CSMD1: variants seen among roughly 807,000 people sequenced by gnomAD.
The protein encoded by CSMD1 is CUB and sushi domain-containing protein 1.
CSMD1 carries 213 observed loss-of-function variants against 417.5 expected under a neutral mutation model. The ratio of observed to expected loss-of-function variants is 0.51; its 90% CI spans 0.46 to 0.57. CSMD1 has a LOEUF of 0.57. Ranked by LOEUF, CSMD1 falls within the 20% of genes least tolerant of loss-of-function variation. The probability of loss-of-function intolerance (pLI) is 0.00; values close to 1 mark genes in which losing one functional copy is unlikely to be tolerated. For synonymous variants in CSMD1, 2,862 were observed against 1,736.8 expected, an observed-to-expected ratio of 1.65 and a Z score of -16.11; for missense variants, 6,923 against 4,529.7, an observed-to-expected ratio of 1.53 and a Z score of -15.17.
chr8:4,318,703 T>A (rs1327275357), intron 3 of CSMD1, among the ~76,000 whole-genome samples: 6 of 83,768 alleles, frequency 7.2e-5, no homozygotes, highest in Non-Finnish European at 1.6e-4. Context: ...TTAATATTAT[T>A]TTAAAATCTC....
At chr8:4,454,473 G>A (rs534442572) in intron 2 of CSMD1, among the ~76,000 whole-genome samples, 22 of 152,256 alleles carry the variant, frequency 1.4e-4, no homozygotes, top group African/African-American at 5.1e-4. Context: ...AACTCTTCAA[G>A]TATTTTGTTC....
chr8:4,785,048 T>C (rs1157114097), intron 1 of CSMD1, among the ~76,000 whole-genome samples: 1 of 152,230 alleles, frequency 6.6e-6, no homozygotes, highest in Non-Finnish European at 1.5e-5. Context: ...TTATTAGAAG[T>C]GGATATTTAT....
chr8:4,444,335 A>G (rs1463853436), intron 2 of CSMD1, among the ~76,000 whole-genome samples: 1 of 117,242 alleles, frequency 8.5e-6, no homozygotes, highest in Admixed American at 1.2e-4. Context: ...CTACAGAGTG[A>G]GACTCCATCT....
chr8:4,911,062 C>G (rs1410502481), intron 1 of CSMD1, among the ~76,000 whole-genome samples: 2 of 152,194 alleles, frequency 1.3e-5, no homozygotes, highest in Non-Finnish European at 2.9e-5. Context: ...CTCCTCCTTG[C>G]CTTCCACCAC....
intron 7 of CSMD1, among the ~76,000 whole-genome samples, chr8:3,672,887 A>C (rs936250085): frequency 6.6e-6 from 1 of 152,184 alleles, no homozygotes; most frequent in East Asian, 1.9e-4. Context: ...ATCCATGAAA[A>C]TCCATGGTTT....
At chr8:4,693,643 C>T (rs1806922318) in intron 1 of CSMD1, among the ~76,000 whole-genome samples, 1 of 152,068 alleles carries the variant, frequency 6.6e-6, no homozygotes, top group Non-Finnish European at 1.5e-5. Flanking sequence ...AATGGGTGAT[C>T]TTTCATTTTA....
intron 2 of CSMD1, among the ~76,000 whole-genome samples, chr8:4,516,858 T>C (rs1374429534): frequency 2.0e-5 from 3 of 152,170 alleles, no homozygotes; most frequent in African/African-American, 7.2e-5. Flanking sequence ...CAATTTTTTT[T>C]CTTTATACTA....
intron 3 of CSMD1, among the ~76,000 whole-genome samples, chr8:4,414,774 A>G (rs1048263885): frequency 1.3e-5 from 2 of 152,194 alleles, no homozygotes; most frequent in Non-Finnish European, 2.9e-5. Context: ...ATTTTTGAGT[A>G]TGTATCATGT....
At chr8:4,056,016 CA>C (rs1400629571) in intron 3 of CSMD1, among the ~76,000 whole-genome samples, 1 of 150,748 alleles carries the variant, frequency 6.6e-6, no homozygotes, top group Non-Finnish European at 1.5e-5. Context: ...GTAGTCTACA[CA>C]GATTTCCTCC....
At chr8:3,654,556 G>C (rs1044568212) in intron 7 of CSMD1, among the ~76,000 whole-genome samples, 4 of 152,156 alleles carry the variant, frequency 2.6e-5, no homozygotes, top group African/African-American at 9.7e-5. Context: ...TGATTATACG[G>C]AGAGTTTAGG....
intron 3 of CSMD1, among the ~76,000 whole-genome samples, chr8:4,169,960 C>T (rs1259721870): frequency 6.7e-6 from 1 of 150,146 alleles, no homozygotes; most frequent in African/African-American, 2.5e-5. Flanking sequence ...TGTGTGTTTT[C>T]CTCCATACTG....
chr8:3,468,364 T>G (rs923384132), intron 12 of CSMD1, among the ~76,000 whole-genome samples: 1 of 152,198 alleles, frequency 6.6e-6, no homozygotes. Context: ...TATTGTCTTT[T>G]CTATGTTTGC....
At chr8:4,728,370 G>A (rs2116943232) in intron 1 of CSMD1, among the ~76,000 whole-genome samples, 1 of 152,014 alleles carries the variant, frequency 6.6e-6, no homozygotes, top group Non-Finnish European at 1.5e-5. Context: ...CTCATTACAT[G>A]ATATAAGGGA....
intron 3 of CSMD1, among the ~76,000 whole-genome samples, chr8:4,142,743 C>T (rs1314328404): frequency 1.3e-5 from 2 of 151,022 alleles, no homozygotes; most frequent in African/African-American, 5.0e-5. Flanking sequence ...CGTGAGATTA[C>T]ATTGAACTTG....
chr8:3,043,851 T>G (rs1811267035), intron 50 of CSMD1: 1 of 152,464 alleles, frequency 6.6e-6, no homozygotes, highest in South Asian at 2.1e-4. Context: ...AAATGCAATT[T>G]GTTCTCTAAT....
chr8:4,026,095 T>G (rs1177680361), intron 4 of CSMD1, among the ~76,000 whole-genome samples: 1 of 152,164 alleles, frequency 6.6e-6, no homozygotes, highest in African/African-American at 2.4e-5. Flanking sequence ...TATACTCATT[T>G]CATTCGTGTG....
At chr8:3,869,735 C>T (rs1477966608) in intron 5 of CSMD1, among the ~76,000 whole-genome samples, 1 of 151,490 alleles carries the variant, frequency 6.6e-6, no homozygotes, top group African/African-American at 2.4e-5. Flanking sequence ...GGACCCACCC[C>T]AGCAGAAGCA....
chr8:3,958,449 T>A (rs1417572718), intron 5 of CSMD1, among the ~76,000 whole-genome samples: 3 of 152,082 alleles, frequency 2.0e-5, no homozygotes, highest in African/African-American at 7.2e-5. Context: ...TTGAAATATT[T>A]GTTTTATTTT....
chr8:4,726,502 C>G (rs1216931617), intron 1 of CSMD1, among the ~76,000 whole-genome samples: 2 of 151,996 alleles, frequency 1.3e-5, no homozygotes, highest in Non-Finnish European at 2.9e-5. Flanking sequence ...CAAATAAGAC[C>G]TCAATGGACA....
Sources: gnomAD v4.1 joint callset for allele counts (sites outside exome capture counted in the v4.1 genomes callset) on GRCh38, gnomAD v4.1.1 for gene constraint, MANE v1.5 for transcripts, NCBI Gene and HGNC (gene_info 2026-07-23, HGNC 2026-07-21) for gene names.